TARBP1: variants seen among roughly 807,000 people sequenced by gnomAD.
TARBP1 encodes tRNA guanosine 2 -O-methyltransferase TARBP1, also known as tRNA (guanosine(18)-2'-O)-methyltransferase TARBP1.
A neutral mutation model predicts 178.6 loss-of-function variants in TARBP1; 144 were observed. The ratio of observed to expected loss-of-function variants is 0.81; its 90% CI spans 0.70 to 0.93. TARBP1 has a LOEUF of 0.93. Ranked by LOEUF, TARBP1 falls within the 40% of genes least tolerant of loss-of-function variation. The pLI is 0.00. For synonymous variants in TARBP1, 787 were observed against 781.0 expected (o/e 1.01, Z -0.13); for missense variants, 2,067 against 2,011.7 (o/e 1.03, Z -0.53).
At chr1:234,464,078 T>C (rs555439418) in intron 5 of TARBP1, 144 bp from the exon 6 acceptor site, 2 of 461,648 alleles carry the variant, frequency 4.3e-6, no homozygotes, top group South Asian at 1.3e-4. Context: ...CTGCATTTCA[T>C]TTTTCAGTAA....
chr1:234,432,611 A>C (rs1664575067), intron 14 of TARBP1, among the ~76,000 whole-genome samples: 1 of 152,198 alleles, frequency 6.6e-6, no homozygotes, highest in South Asian at 2.1e-4. Flanking sequence ...GGTCCATAAA[A>C]GGGGAGACCA....
intron 12 of TARBP1, among the ~76,000 whole-genome samples, chr1:234,442,002 A>G (rs1346688411): frequency 6.6e-6 from 1 of 152,196 alleles, no homozygotes; most frequent in African/African-American, 2.4e-5. Context: ...AAACAATTCA[A>G]CAGAGAAAGG....
intron 15 of TARBP1, 23 bp from the exon 16 acceptor site, chr1:234,429,700 T>C (rs925573311): frequency 4.6e-6 from 7 of 1,523,420 alleles, no homozygotes; most frequent in Non-Finnish European, 6.2e-6. Flanking sequence ...ATAAAGTTAC[T>C]AGGCCATACT....
chr1:234,443,473 C>T (rs992716753), intron 12 of TARBP1, among the ~76,000 whole-genome samples: 2 of 151,980 alleles, frequency 1.3e-5, no homozygotes, highest in Admixed American at 6.6e-5. Flanking sequence ...AGCCCATTAA[C>T]GAGTGTTGGA....
At chr1:234,402,671 C>T (rs960280525) in intron 24 of TARBP1, among the ~76,000 whole-genome samples, 1 of 152,012 alleles carries the variant, frequency 6.6e-6, no homozygotes, top group African/African-American at 2.4e-5. Context: ...ACTTCTTGGG[C>T]TCAGGTGATT....
Position 234,478,980 on chromosome 1 carries a change from G to T in TARBP1, c.124C>A (p.Arg42=), listed in dbSNP as rs1305892425. The change falls in exon 1 of 30, where the codon CGG becomes AGG. Residue 42 remains arginine, a synonymous_variant. Coordinates refer to ENST00000040877, the MANE Select transcript of TARBP1 (RefSeq NM_005646.4). ...CCGCGCGCCTCCTCGTCCTCGAGCC[G>T]CTGCAGAAGGAAGCGCAGCGTCTCC... is the stretch of plus-strand genomic sequence containing the variant. The part of the protein sequence containing the change: ...RVETLRFLLQ[R]LEDEEARGSG... The T allele has an allele frequency of 6.7e-7, 1 of 1,481,800 alleles. No individual in the cohort carries two copies. The highest frequency in any genetic ancestry group is 8.9e-7 in the Non-Finnish European group (1 of 1,126,132). 91.8% of individuals were successfully genotyped at this position (1,481,800 alleles called of 1,614,324 possible). A position where few individuals can be genotyped will look rare whatever the true frequency, so the allele number is the denominator to read the frequency against.
Position 234,392,392 on chromosome 1 carries a change from C to T in TARBP1, c.4697+24G>A, listed in dbSNP as rs752635555. On this transcript the variant is annotated intron_variant, in intron 29 of 29. Coordinates refer to ENST00000040877, the MANE Select transcript of TARBP1 (RefSeq NM_005646.4). ...AGTAGTCTGGGGCTCAGAGAATATA[C>T]TATGGACACAAGAAGCTTCTTACCC... 30 of 1,611,288 alleles carry T rather than the reference C, an allele frequency of 1.9e-5. 1 individual carries two copies. The highest frequency in any genetic ancestry group is 1.3e-4 in the South Asian group (12 of 90,436).
intron 14 of TARBP1, 26 bp from the exon 15 acceptor site, chr1:234,430,327 T>G: frequency 6.2e-7 from 1 of 1,601,938 alleles, no homozygotes. Flanking sequence ...GACAATGTTT[T>G]ATTTAATATG....
At chr1:234,449,359 GAT>G (rs1666507841) in intron 10 of TARBP1, among the ~76,000 whole-genome samples, 1 of 152,216 alleles carries the variant, frequency 6.6e-6, no homozygotes, top group Admixed American at 6.5e-5. Context: ...ATGTGGAAAA[GAT>G]ATTGTAGATG....
At chr1:234,448,046 T>C (rs1666364880) in intron 11 of TARBP1, among the ~76,000 whole-genome samples, 1 of 152,202 alleles carries the variant, frequency 6.6e-6, no homozygotes, top group Admixed American at 6.5e-5. Context: ...TCAAGTGATC[T>C]TCCCGCCTTA....
chr1:234,450,516 C>T lies in TARBP1; in HGVS notation c.1773G>A (p.Thr591=), dbSNP rs970752398. 3.1e-6 allele frequency: 5 copies of T among 1,611,640 alleles called. No homozygotes were observed. The highest frequency in any genetic ancestry group is 2.2e-5 in the East Asian group (1 of 44,684). The change falls in exon 10 of 30, where the codon ACG becomes ACA. Residue 591 remains threonine, a synonymous_variant. Coordinates refer to ENST00000040877, the MANE Select transcript of TARBP1 (RefSeq NM_005646.4). ...VNESYFKPSP[T]CSSIGLHKTS... ...TCTTGTGAAGTCCAATGGAGCTACA[C>T]GTAGGGGATGGCTTAAAATAGCTTT...
intron 20 of TARBP1, among the ~76,000 whole-genome samples, chr1:234,423,305 T>C (rs1663321111): frequency 1.3e-5 from 2 of 152,188 alleles, no homozygotes; most frequent in African/African-American, 4.8e-5. Context: ...CCTATGTGAT[T>C]ATTGCTGGCC....
At chr1:234,394,973 C>T (rs888034648) in intron 26 of TARBP1, among the ~76,000 whole-genome samples, 3 of 151,718 alleles carry the variant, frequency 2.0e-5, no homozygotes, top group Non-Finnish European at 4.4e-5. Context: ...CCTATAATCC[C>T]AGCACTTTAG....
intron 15 of TARBP1, 87 bp from the exon 16 acceptor site, chr1:234,429,764 TGGG>T (rs35706427): frequency 0.67 from 548,237 of 821,098 alleles, 172,335 homozygotes; most frequent in East Asian, 0.85. Context: ...TTTCTAAAGG[TGGG>T]GGGGGGGGGG....
rs1572267067 is a variant in TARBP1 at position 234,420,826 on chromosome 1, G to C, written c.3445-14C>G. On this transcript the variant is annotated splice_polypyrimidine_tract_variant and intron_variant, in intron 20 of 29. Coordinates refer to ENST00000040877, the MANE Select transcript of TARBP1 (RefSeq NM_005646.4). ...CACTAATTCATCCTGGAAAGGAGAA[G>C]GGAGGGAGTCAACATTAAATTATCT... The C allele has an allele frequency of 7.1e-7, 1 of 1,416,288 alleles. No homozygotes were observed. The highest frequency in any genetic ancestry group is 1.4e-5 in the African/African-American group (1 of 70,054). The allele number at this position is 1,416,288 out of a possible 1,614,324, so 87.7% of individuals were successfully genotyped here.
chr1:234,457,146 G>T (rs1257584471), intron 9 of TARBP1, among the ~76,000 whole-genome samples: 1 of 152,194 alleles, frequency 6.6e-6, no homozygotes, highest in Non-Finnish European at 1.5e-5. Context: ...CACAAGGGAA[G>T]AAGCTTCACA....
intron 4 of TARBP1, among the ~76,000 whole-genome samples, chr1:234,465,959 T>C (rs558174759): frequency 2.0e-5 from 3 of 152,168 alleles, no homozygotes; most frequent in Admixed American, 1.3e-4. Flanking sequence ...AGAGAGTTCA[T>C]GTGTTGGGTC....
chr1:234,459,090 T>C, intron 8 of TARBP1, 140 bp downstream of exon 8: 1 of 622,668 alleles, frequency 1.6e-6, no homozygotes, highest in Admixed American at 3.2e-5. Context: ...TATGTATTAT[T>C]TTATTACAAG....
At chr1:234,442,000 C>T (rs1665645514) in intron 12 of TARBP1, among the ~76,000 whole-genome samples, 2 of 152,122 alleles carry the variant, frequency 1.3e-5, no homozygotes, top group South Asian at 4.1e-4. Flanking sequence ...CAAAACAATT[C>T]AACAGAGAAA....
Sources: gnomAD v4.1 joint callset for allele counts (sites outside exome capture counted in the v4.1 genomes callset) on GRCh38, gnomAD v4.1.1 for gene constraint, MANE v1.5 for transcripts, NCBI Gene and HGNC (gene_info 2026-07-23, HGNC 2026-07-21) for gene names.